Variants in ING5 observed in about 807,000 individuals in gnomAD.
ING5 encodes inhibitor of growth family member 5.
A neutral mutation model predicts 37.4 loss-of-function variants in ING5; 17 were observed. The ratio of observed to expected loss-of-function variants is 0.45; its 90% CI spans 0.31 to 0.68. ING5 has a LOEUF of 0.68. Ranked by LOEUF, ING5 falls within the 30% of genes least tolerant of loss-of-function variation. ING5 has a pLI of 0.05. For missense variants in ING5, 233 were observed against 311.9 expected, an observed-to-expected ratio of 0.75 and a Z score of 1.91; for synonymous variants, 123 against 116.6, an observed-to-expected ratio of 1.06 and a Z score of -0.36.
At chr2:241,718,105 C>T (rs1247666230) in intron 5 of ING5, among the ~76,000 whole-genome samples, 3 of 152,070 alleles carry the variant, frequency 2.0e-5, no homozygotes, top group African/African-American at 7.2e-5. Context: ...CTCTGCCTCC[C>T]GGGTTCAAGC....
At chr2:241,715,754 TG>T (rs1339354431) in intron 5 of ING5, among the ~76,000 whole-genome samples, 1 of 151,988 alleles carries the variant, frequency 6.6e-6, no homozygotes, top group Non-Finnish European at 1.5e-5. Flanking sequence ...CCCAACATAC[TG>T]GGATTACAGG....
At chr2:241,705,801 G>A (rs2069893868) in intron 2 of ING5, among the ~76,000 whole-genome samples, 2 of 152,152 alleles carry the variant, frequency 1.3e-5, no homozygotes, top group Non-Finnish European at 2.9e-5. Context: ...TATGGCACAG[G>A]CAGCTGTACT....
chr2:241,697,997 G>A (rs34071820), upstream of ING5, among the ~76,000 whole-genome samples: 1 of 150,386 alleles, frequency 6.6e-6, no homozygotes, highest in Non-Finnish European at 1.5e-5. Context: ...GCAGGAGAAT[G>A]GCTGGAACCC....
At position 241,725,063 on chromosome 2, in the gene ING5, G is replaced by A. The variant is rs1278983772; in HGVS notation, c.*32G>A. The A allele has an allele frequency of 6.8e-6, 11 of 1,608,428 alleles. No individual in the cohort carries two copies. Among genetic ancestry groups the A allele is most frequent in the Non-Finnish European group, 9.4e-6 (11 of 1,174,890 alleles). ...CTGTGTGCCCGGATCCGAGGAGCAA[G>A]TTAATCTGTCCCTTCATTCGTGTCG... On this transcript the variant is annotated 3_prime_UTR_variant, in exon 8 of 8. Coordinates refer to ENST00000313552, the MANE Select transcript of ING5 (RefSeq NM_032329.6).
intron 5 of ING5, among the ~76,000 whole-genome samples, chr2:241,712,762 A>T (rs1207756663): frequency 6.6e-6 from 1 of 152,132 alleles, no homozygotes; most frequent in Admixed American, 6.6e-5. Flanking sequence ...ACGGTAGCTC[A>T]TGCCTATAAT....
chr2:241,694,844 C>T (rs36147544), intron 2 of ING5, among the ~76,000 whole-genome samples: 14,412 of 131,214 alleles, frequency 0.11, 1,005 homozygotes, highest in East Asian at 0.31. Context: ...TAGTGAAAAC[C>T]GGTCTCTACT....
rs752638749 is a variant in ING5, at chr2:241,704,700, C to G, written c.85C>G (p.Arg29Gly). The change falls in exon 2 of 8, where the codon CGA becomes GGA. Residue 29 changes from arginine to glycine, a missense_variant. By Grantham distance (125) the Arg-to-Gly change is moderately radical. Coordinates refer to ENST00000313552, the MANE Select transcript of ING5 (RefSeq NM_032329.6). ...ACTTCAGAGGAACTTCCAGCTGATG[C>G]GAGAGCTGGACCAGAGGACGGAAGG... ...CELQRNFQLM[R>G]ELDQRTEDKK... 3.1e-6 allele frequency: 5 copies of G among 1,614,024 alleles called. No homozygotes were observed. The highest frequency in any genetic ancestry group is 2.2e-5 in the East Asian group (1 of 44,886).
intron 5 of ING5, chr2:241,719,805 C>T: frequency 7.0e-7 from 1 of 1,434,612 alleles, no homozygotes; most frequent in Non-Finnish European, 9.1e-7. Context: ...TGACAGTGCG[C>T]TGACCAGCAC....
intron 5 of ING5, chr2:241,712,370 G>A (rs1391823362): frequency 6.2e-6 from 2 of 322,374 alleles, no homozygotes; most frequent in East Asian, 5.7e-5. Flanking sequence ...CACAGTGTGT[G>A]CTGCCCCACT....
rs1406753966 is a variant in ING5 at position 241,702,064 on chromosome 2, A to T, written c.-2A>T. On this transcript the variant is annotated 5_prime_UTR_variant, in exon 1 of 8. In the 5' UTR this introduces an upstream ATG that the reference lacks. Transcript: ENST00000313552. ...AGACCCCGAGCGCGGCCGCGGACGA[A>T]GATGGCGACCGCCATGTACTTGGAG... 2.2e-6 allele frequency: 3 copies of T among 1,386,640 alleles called. No individual in the cohort carries two copies. The African/African-American group carries it at 4.6e-5, about 21-fold the overall frequency. The allele number at this position is 1,386,640 out of a possible 1,614,324, so 85.9% of individuals were successfully genotyped here.
intron 2 of ING5, among the ~76,000 whole-genome samples, chr2:241,708,263 A>G (rs34797333): frequency 2.1e-3 from 321 of 149,848 alleles, no homozygotes; most frequent in Non-Finnish European, 3.5e-3. Flanking sequence ...GCCGGACTGC[A>G]GTGGCGCTAT....
intron 2 of ING5, among the ~76,000 whole-genome samples, chr2:241,692,507 G>A (rs529031266): frequency 6.6e-6 from 1 of 150,440 alleles, no homozygotes; most frequent in African/African-American, 2.4e-5. Context: ...TTGCCCTGTT[G>A]CCCAGGCTGG....
intron 2 of ING5, among the ~76,000 whole-genome samples, chr2:241,696,803 G>T (rs1247280976): frequency 6.6e-6 from 1 of 152,000 alleles, no homozygotes; most frequent in Non-Finnish European, 1.5e-5. Context: ...AATAACCAAG[G>T]CTGGGTGTGG....
At chr2:241,693,145 G>A (rs201447549) in intron 2 of ING5, among the ~76,000 whole-genome samples, 1 of 151,072 alleles carries the variant, frequency 6.6e-6, no homozygotes, top group African/African-American at 2.4e-5. Flanking sequence ...TGTAATCCCA[G>A]CTACTCAGGA....
chr2:241,717,047 C>T (rs111666232), intron 5 of ING5, among the ~76,000 whole-genome samples: 1 of 151,864 alleles, frequency 6.6e-6, no homozygotes. Context: ...ATATAGTTAC[C>T]TCATATAGTT....
chr2:241,721,845 T>C (rs1197099704), intron 5 of ING5: 1 of 985,388 alleles, frequency 1.0e-6, no homozygotes, highest in Non-Finnish European at 1.2e-6. Context: ...CCACCTGAGG[T>C]CTGTGGTCCT....
chr2:241,687,100 G>A (rs778308266), exon 1 of ING5: 9 of 389,676 alleles, frequency 2.3e-5, no homozygotes, highest in Admixed American at 4.5e-5. Context: ...GGGCTGGACG[G>A]CCGGAGACGC....
chr2:241,697,674 C>CAG (rs71406478), upstream of ING5, among the ~76,000 whole-genome samples: 93,943 of 151,640 alleles, frequency 0.62, 29,241 homozygotes, highest in Admixed American at 0.66. Flanking sequence ...CCAGGGGCCT[C>CAG]GGGAGGGGGA....
At chr2:241,690,205 G>A (rs1477066091) in exon 2 of ING5, 1 of 157,100 alleles carries the variant, frequency 6.4e-6, no homozygotes, top group African/African-American at 2.4e-5. Context: ...AATTGCTCAA[G>A]CACATAAGCA....
Sources: allele counts gnomAD v4.1 joint callset (sites outside exome capture counted in the v4.1 genomes callset), GRCh38; gene constraint gnomAD v4.1.1; transcripts MANE v1.5; gene names NCBI Gene and HGNC (gene_info 2026-07-23, HGNC 2026-07-21).